CFAP69: variants seen among roughly 807,000 people sequenced by gnomAD.
The protein encoded by CFAP69 is cilia- and flagella-associated protein 69.
CFAP69 carries 92 observed loss-of-function variants against 123.0 expected under a neutral mutation model. The observed-to-expected ratio is 0.75, with a 90% confidence interval of 0.63 to 0.89. The LOEUF (loss-of-function observed/expected upper bound fraction) is 0.89, where lower values mean the gene tolerates loss of function less well. Ranked by LOEUF, CFAP69 falls within the 40% of genes least tolerant of loss-of-function variation. The probability of loss-of-function intolerance (pLI) is 0.00; values close to 1 mark genes in which losing one functional copy is unlikely to be tolerated. For missense variants in CFAP69, 1,067 were observed against 1,096.9 expected, an observed-to-expected ratio of 0.97 and a Z score of 0.39; for synonymous variants, 380 against 364.3, an observed-to-expected ratio of 1.04 and a Z score of -0.49.
intron 5 of CFAP69, among the ~76,000 whole-genome samples, chr7:90,267,419 G>A (rs1231295751): frequency 6.6e-6 from 1 of 152,122 alleles, no homozygotes; most frequent in Non-Finnish European, 1.5e-5. Context: ...GACTACCGCT[G>A]TCCTTGGGCA....
At chr7:90,304,241 C>T in intron 18 of CFAP69, 135 bp downstream of exon 18, 1 of 1,384,448 alleles carries the variant, frequency 7.2e-7, no homozygotes, top group South Asian at 1.8e-5. Flanking sequence ...ATTGTTACCC[C>T]AATTCCCAAA....
At chr7:90,305,943 CTT>C (rs11340254) in intron 19 of CFAP69, among the ~76,000 whole-genome samples, 146 of 129,560 alleles carry the variant, frequency 1.1e-3, no homozygotes, top group African/African-American at 2.7e-3. Context: ...TTCTTTCCTT[CTT>C]TTTTTTTTTT....
In CFAP69 at chr7:90,304,799, A is replaced by T; in HGVS notation, c.2244A>T (p.Ile748=). 1 of 1,518,342 alleles carries T rather than the reference A, an allele frequency of 6.6e-7. No individual in the cohort carries two copies. The highest frequency in any genetic ancestry group is 9.1e-7 in the Non-Finnish European group (1 of 1,103,024). 94.1% of individuals were successfully genotyped at this position (1,518,342 alleles called of 1,614,324 possible). ...AAGATTTTGTCACCCTTTGTATCAT[A>T]CATAGATATCTTGATTTTAAAGTAA... The part of the protein sequence containing the change: ...SAEDFVTLCI[I]HRYLDFKIGE... Residue 748 remains isoleucine, a synonymous_variant, in exon 19 of 23, where the codon ATA becomes ATT. Transcript: ENST00000389297.
downstream of CFAP69, among the ~76,000 whole-genome samples, chr7:90,315,231 C>A (rs1201324975): frequency 6.6e-6 from 1 of 152,072 alleles, no homozygotes; most frequent in African/African-American, 2.4e-5. Context: ...AACTACTATT[C>A]GACCCAGCCA....
chr7:90,263,815 C>T lies in CFAP69; in HGVS notation c.357-1486C>T, dbSNP rs114062575. ...TCTTGAAAAATATGAATTGGCCAAG[C>T]GCGGTGGCTCATACCTGTTAATCCC... is the stretch of plus-strand genomic sequence containing the variant. On this transcript the variant is annotated intron_variant, in intron 4 of 22. Transcript: ENST00000389297. Among the ~76,000 whole-genome samples, 377 of 151,822 alleles carry T rather than the reference C, an allele frequency of 2.5e-3. 1 individual carries two copies. Among genetic ancestry groups the T allele is most frequent in the African/African-American group, 8.1e-3 (336 of 41,408 alleles).
chr7:90,257,547 A>G (rs915293059), intron 2 of CFAP69, among the ~76,000 whole-genome samples: 4 of 152,240 alleles, frequency 2.6e-5, no homozygotes, highest in Admixed American at 2.6e-4. Context: ...CAGTCTTCCT[A>G]TCTTTTGTAA....
At chr7:90,253,725 CTTG>C (rs1462014842) in intron 1 of CFAP69, among the ~76,000 whole-genome samples, 2 of 152,084 alleles carry the variant, frequency 1.3e-5, no homozygotes, top group Admixed American at 1.3e-4. Context: ...CTTGTATATT[CTTG>C]TTATTAATCC....
intron 5 of CFAP69, among the ~76,000 whole-genome samples, chr7:90,267,781 C>T (rs1373733842): frequency 6.6e-6 from 1 of 152,160 alleles, no homozygotes; most frequent in Non-Finnish European, 1.5e-5. Context: ...GAGAAAAATG[C>T]TAACCCATAT....
chr7:90,245,659 G>T, intron 1 of CFAP69, 115 bp downstream of exon 1: 1 of 1,286,402 alleles, frequency 7.8e-7, no homozygotes, highest in Non-Finnish European at 1.0e-6. Context: ...GAAGATGGGG[G>T]AAGCCGCGGG....
chr7:90,280,020 C>G (rs1216568724), intron 12 of CFAP69, 127 bp downstream of exon 12: 9 of 639,064 alleles, frequency 1.4e-5, no homozygotes, highest in African/African-American at 1.9e-5. Context: ...ACAGACCTAT[C>G]TTCTTAATGT....
Position 90,277,346 on chromosome 7 carries a change from T to A in CFAP69, c.1155+12T>A. 6.8e-7 allele frequency: 1 copy of A among 1,477,796 alleles called. No individual in the cohort carries two copies. The highest frequency in any genetic ancestry group is 9.0e-7 in the Non-Finnish European group (1 of 1,115,430). The allele number at this position is 1,477,796 out of a possible 1,614,324, so 91.5% of individuals were successfully genotyped here. ...TACCTACTGTACAGGTAAAGAGTAA[T>A]CAAGGCAGGAAAATCAATAAAAATT... On this transcript the variant is annotated intron_variant, in intron 11 of 22. Coordinates refer to ENST00000389297, the MANE Select transcript of CFAP69 (RefSeq NM_001039706.3).
At chr7:90,299,012 T>C (rs943346756) in intron 16 of CFAP69, among the ~76,000 whole-genome samples, 18 of 152,134 alleles carry the variant, frequency 1.2e-4, no homozygotes, top group Admixed American at 1.1e-3. Context: ...CTAATAATGG[T>C]TAAATGTTAA....
intron 12 of CFAP69, among the ~76,000 whole-genome samples, chr7:90,282,520 A>G (rs929503317): frequency 5.3e-5 from 8 of 152,212 alleles, no homozygotes; most frequent in Non-Finnish European, 1.2e-4. Context: ...GTTTATTGTA[A>G]CAGTTTATAG....
At chr7:90,273,014 C>T (rs1800180357) in intron 8 of CFAP69, among the ~76,000 whole-genome samples, 1 of 152,102 alleles carries the variant, frequency 6.6e-6, no homozygotes, top group South Asian at 2.1e-4. Flanking sequence ...AATAAGAATG[C>T]TGTTCTTATA....
chr7:90,261,691 G>A (rs1465400475), intron 3 of CFAP69, among the ~76,000 whole-genome samples: 1 of 151,994 alleles, frequency 6.6e-6, no homozygotes, highest in Non-Finnish European at 1.5e-5. Context: ...TGTAGCAGTT[G>A]GTAATCCAAT....
intron 17 of CFAP69, chr7:90,303,731 G>A (rs1212701080): frequency 9.4e-7 from 1 of 1,066,772 alleles, no homozygotes; most frequent in African/African-American, 1.7e-5. Flanking sequence ...GTAATTTTGT[G>A]AAATTTTAAT....
At chr7:90,278,903 G>A (rs1272158975) in intron 11 of CFAP69, among the ~76,000 whole-genome samples, 1 of 152,014 alleles carries the variant, frequency 6.6e-6, no homozygotes, top group Non-Finnish European at 1.5e-5. Flanking sequence ...TAAGGAACTA[G>A]AAAAATTAAT....
chr7:90,274,118 T>C lies in CFAP69; in HGVS notation c.984+8T>C. 1.9e-6 allele frequency: 3 copies of C among 1,591,894 alleles called. No homozygotes were observed. Among genetic ancestry groups the C allele is most frequent in the South Asian group, 1.2e-5 (1 of 85,936 alleles). ...CCTGAAGCACCAATGATTGTAAGTA[T>C]GAATCAAATTGCATTAATTTTAATT... On this transcript the variant is annotated splice_region_variant and intron_variant, in intron 9 of 22. Coordinates refer to ENST00000389297, the MANE Select transcript of CFAP69 (RefSeq NM_001039706.3).
intron 21 of CFAP69, 31 bp downstream of exon 21, chr7:90,307,885 A>G (rs748085889): frequency 7.2e-7 from 1 of 1,395,228 alleles, no homozygotes; most frequent in Non-Finnish European, 1.0e-6. Flanking sequence ...TAGTATCCAC[A>G]ACAAATAGCC....
Sources: gnomAD v4.1 joint callset for allele counts (sites outside exome capture counted in the v4.1 genomes callset) on GRCh38, gnomAD v4.1.1 for gene constraint, MANE v1.5 for transcripts, NCBI Gene and HGNC (gene_info 2026-07-23, HGNC 2026-07-21) for gene names.